Variants in ALDH1L2 observed in about 807,000 individuals in gnomAD.
The protein encoded by ALDH1L2 is mitochondrial 10-formyltetrahydrofolate dehydrogenase.
In ALDH1L2, 91 loss-of-function variants were observed where a neutral mutation model predicts 111.0. The ratio of observed to expected loss-of-function variants is 0.82; its 90% CI spans 0.69 to 0.98. The LOEUF (loss-of-function observed/expected upper bound fraction) is 0.98, where lower values mean the gene tolerates loss of function less well. Ranked by LOEUF, ALDH1L2 falls within the 50% of genes least tolerant of loss-of-function variation. The probability of loss-of-function intolerance (pLI) is 0.00; values close to 1 mark genes in which losing one functional copy is unlikely to be tolerated. For missense variants in ALDH1L2, 995 were observed against 1,126.8 expected (o/e 0.88, Z 1.67); for synonymous variants, 374 against 392.6 (o/e 0.95, Z 0.56).
chr12:105,048,100 A>G (rs959378143), intron 13 of ALDH1L2: 5 of 152,250 alleles, frequency 3.3e-5, no homozygotes, highest in Admixed American at 6.5e-5. Context: ...CAATATATGC[A>G]TGACTTTGTG....
intron 21 of ALDH1L2, among the ~76,000 whole-genome samples, chr12:105,028,507 AG>A (rs1202209739): frequency 6.6e-6 from 1 of 152,242 alleles, no homozygotes; most frequent in Non-Finnish European, 1.5e-5. Context: ...GAGACAGTAC[AG>A]GTTTCAGTGT....
At chr12:105,081,056 T>A (rs972677597) in intron 1 of ALDH1L2, among the ~76,000 whole-genome samples, 7 of 152,240 alleles carry the variant, frequency 4.6e-5, no homozygotes, top group Non-Finnish European at 8.8e-5. Flanking sequence ...TTCATTATTA[T>A]AAGTTATCTA....
intron 19 of ALDH1L2, 30 bp downstream of exon 19, chr12:105,034,270 C>T: frequency 6.2e-7 from 1 of 1,605,346 alleles, no homozygotes; most frequent in Non-Finnish European, 8.5e-7. Context: ...AATCTCTAAA[C>T]AACTCAGAGT....
chr12:105,052,595 A>T (rs1243771594), intron 11 of ALDH1L2, among the ~76,000 whole-genome samples: 7 of 152,218 alleles, frequency 4.6e-5, no homozygotes, highest in Non-Finnish European at 1.0e-4. Context: ...ACCTGTCTAA[A>T]TTTATCATAA....
intron 17 of ALDH1L2, among the ~76,000 whole-genome samples, chr12:105,038,657 C>T (rs1054177910): frequency 6.6e-6 from 1 of 151,574 alleles, no homozygotes; most frequent in African/African-American, 2.4e-5. Flanking sequence ...AGTGTTAGAC[C>T]GTGTCTCTTA....
intron 22 of ALDH1L2, 81 bp downstream of exon 22, chr12:105,026,464 C>T: frequency 6.5e-7 from 1 of 1,531,832 alleles, no homozygotes. Context: ...CTCAAAGTCA[C>T]ACACAAGTCA....
chr12:105,072,922 C>T (rs1413664994), intron 2 of ALDH1L2, among the ~76,000 whole-genome samples: 9 of 152,014 alleles, frequency 5.9e-5, no homozygotes, highest in African/African-American at 1.5e-4. Flanking sequence ...TGCAGTGAGC[C>T]GAGGTCGTGC....
intron 20 of ALDH1L2, among the ~76,000 whole-genome samples, chr12:105,031,181 C>T (rs1592763579): frequency 6.6e-6 from 1 of 152,126 alleles, no homozygotes; most frequent in East Asian, 1.9e-4. Flanking sequence ...CCATCACAAC[C>T]ATCTTTAAGT....
intron 2 of ALDH1L2, among the ~76,000 whole-genome samples, chr12:105,071,535 T>G (rs551714707): frequency 2.7e-5 from 4 of 146,270 alleles, no homozygotes; most frequent in African/African-American, 5.0e-5. Flanking sequence ...TTTTTCATAA[T>G]GAAATGTCAT....
intron 1 of ALDH1L2, among the ~76,000 whole-genome samples, chr12:105,081,337 A>G (rs905621243): frequency 1.3e-5 from 2 of 152,240 alleles, no homozygotes; most frequent in Non-Finnish European, 2.9e-5. Flanking sequence ...TCCTATGAAC[A>G]GATAAGACAC....
chr12:105,060,827 G>GGAAAA, intron 9 of ALDH1L2, 154 bp downstream of exon 9: 1 of 138,426 alleles, frequency 7.2e-6, no homozygotes, highest in South Asian at 1.0e-4. Context: ...TCCATCTCAG[G>GGAAAA]AAAAAAAAAA....
Position 105,062,942 on chromosome 12 carries a change from C to T in ALDH1L2, c.867G>A (p.Lys289=). 1 of 1,614,126 alleles carries T rather than the reference C, an allele frequency of 6.2e-7. No homozygotes were observed. The highest frequency in any genetic ancestry group is 8.5e-7 in the Non-Finnish European group (1 of 1,180,020). Residue 289 remains lysine (K), a synonymous_variant, in exon 7 of 23, where the codon AAG becomes AAA. Coordinates refer to ENST00000258494, the MANE Select transcript of ALDH1L2 (RefSeq NM_001034173.4). ...GEPLEIKGAK[K]PGLVTKNGLV... The stretch of plus-strand genomic sequence containing the variant: ...GTCCATTTTTGGTAACGAGACCAGG[C>T]TTCTTGGCACCTTTAATTTCCAGTG...
At chr12:105,043,892 A>C (rs1160177953) in intron 15 of ALDH1L2, among the ~76,000 whole-genome samples, 1 of 152,200 alleles carries the variant, frequency 6.6e-6, no homozygotes, top group East Asian at 1.9e-4. Context: ...TAGGCCATGA[A>C]AATCTGTGCT....
intron 15 of ALDH1L2, among the ~76,000 whole-genome samples, chr12:105,045,472 T>C (rs531374204): frequency 7.9e-5 from 11 of 139,358 alleles, no homozygotes; most frequent in African/African-American, 2.9e-4. Flanking sequence ...ATAATATATA[T>C]CTCTCTACAT....
chr12:105,040,754 A>C (rs952460832), intron 15 of ALDH1L2, 60 bp from the exon 16 acceptor site: 11 of 1,423,966 alleles, frequency 7.7e-6, no homozygotes, highest in African/African-American at 2.8e-5. Flanking sequence ...TTAGCCCAGA[A>C]CCCAGTTTTC....
chr12:105,046,229 T>TA (rs1565957172), intron 15 of ALDH1L2, among the ~76,000 whole-genome samples: 2 of 103,862 alleles, frequency 1.9e-5, no homozygotes, highest in African/African-American at 8.9e-5. Flanking sequence ...ATATTTTTTT[T>TA]TTTTTTTTTT....
intron 4 of ALDH1L2, among the ~76,000 whole-genome samples, chr12:105,067,016 C>G (rs1323656027): frequency 1.3e-5 from 2 of 151,986 alleles, no homozygotes; most frequent in African/African-American, 4.8e-5. Context: ...ATCACGAAGT[C>G]AGGAGATCGA....
At chr12:105,032,334 C>T (rs1056257777) in intron 19 of ALDH1L2, among the ~76,000 whole-genome samples, 2 of 151,846 alleles carry the variant, frequency 1.3e-5, no homozygotes, top group South Asian at 2.1e-4. Flanking sequence ...CCTGCCACTG[C>T]GTCCGGCTAT....
At chr12:105,032,088 T>C (rs967743024) in intron 19 of ALDH1L2, among the ~76,000 whole-genome samples, 154 bp from the exon 20 acceptor site, 6 of 150,290 alleles carry the variant, frequency 4.0e-5, no homozygotes. Flanking sequence ...TTTTTTTTTT[T>C]TCCTTTTTGG....
Sources: gnomAD v4.1 joint callset for allele counts (sites outside exome capture counted in the v4.1 genomes callset) on GRCh38, gnomAD v4.1.1 for gene constraint, MANE v1.5 for transcripts, NCBI Gene and HGNC (gene_info 2026-07-23, HGNC 2026-07-21) for gene names.